LIMD1: variants seen among roughly 807,000 people sequenced by gnomAD.
The protein encoded by LIMD1 is LIM domain-containing protein 1.
Under a neutral mutation model 58.4 loss-of-function variants are expected in LIMD1, and 23 were observed. The ratio of observed to expected loss-of-function variants is 0.39; its 90% CI spans 0.28 to 0.56. LIMD1 has a LOEUF of 0.56. Ranked by LOEUF, LIMD1 falls within the 20% of genes least tolerant of loss-of-function variation. The pLI, the probability that LIMD1 is intolerant of heterozygous loss-of-function variation, is 0.57. For missense variants in LIMD1, 838 were observed against 855.5 expected (o/e 0.98, Z 0.25); for synonymous variants, 334 against 345.5 (o/e 0.97, Z 0.37).
At chr3:45,615,339 C>A (rs1002406996) in intron 1 of LIMD1, among the ~76,000 whole-genome samples, 1 of 152,038 alleles carries the variant, frequency 6.6e-6, no homozygotes, top group African/African-American at 2.4e-5. Flanking sequence ...AGGGAGGGCA[C>A]CTTTTATTTT....
intron 1 of LIMD1, among the ~76,000 whole-genome samples, chr3:45,624,843 C>G (rs573056427): frequency 8.6e-5 from 13 of 151,400 alleles, no homozygotes; most frequent in African/African-American, 3.1e-4. Flanking sequence ...GAATTGTCTT[C>G]TAGCCAACTG....
chr3:45,648,461 G>T (rs571721112), intron 2 of LIMD1, among the ~76,000 whole-genome samples: 1 of 152,146 alleles, frequency 6.6e-6, no homozygotes, highest in Admixed American at 6.5e-5. Flanking sequence ...TTGTATAGAT[G>T]TACCATATTT....
rs1036040252 is a variant in LIMD1, at chr3:45,683,372, G to A, written c.*6313G>A. On this transcript the variant is annotated 3_prime_UTR_variant, in exon 8 of 8. Coordinates refer to ENST00000273317, the MANE Select transcript of LIMD1 (RefSeq NM_014240.3). ...CCACGCTCAAGTAACAAAAGGACCA[G>A]AGGCTACTCCCTTTGCAACCTCCCC... 3 of 152,106 alleles carry A rather than the reference G, an allele frequency of 2.0e-5. No homozygotes were observed. The highest frequency in any genetic ancestry group is 2.0e-4 in the Admixed American group (3 of 15,262). 9.4% of individuals were successfully genotyped at this position (152,106 alleles called of 1,614,324 possible). A position where few individuals can be genotyped will look rare whatever the true frequency, so the allele number is the denominator to read the frequency against.
At chr3:45,608,166 G>A (rs1039513604) in intron 1 of LIMD1, among the ~76,000 whole-genome samples, 2 of 152,214 alleles carry the variant, frequency 1.3e-5, no homozygotes, top group Non-Finnish European at 2.9e-5. Context: ...CTTTCTGGCT[G>A]TAAGCTTGAC....
chr3:45,642,004 T>A (rs1701847734), intron 2 of LIMD1, among the ~76,000 whole-genome samples: 1 of 152,190 alleles, frequency 6.6e-6, no homozygotes, highest in Non-Finnish European at 1.5e-5. Flanking sequence ...TGCATCTTTT[T>A]ATGTTCTGGA....
chr3:45,625,561 A>G (rs1374579771), intron 1 of LIMD1, among the ~76,000 whole-genome samples: 4 of 152,080 alleles, frequency 2.6e-5, no homozygotes, highest in African/African-American at 7.2e-5. Context: ...TGCCCCCCAC[A>G]GTTCAAGTGT....
chr3:45,654,874 G>A (rs576448685), intron 2 of LIMD1, among the ~76,000 whole-genome samples: 2 of 149,492 alleles, frequency 1.3e-5, no homozygotes, highest in African/African-American at 2.5e-5. Context: ...TACAGGAAGT[G>A]TCTTTTTGGA....
At position 45,684,431 on chromosome 3, in the gene LIMD1, G is replaced by A. The variant is rs1040419854; in HGVS notation, c.*7372G>A. 2 of 152,194 alleles carry A rather than the reference G, an allele frequency of 1.3e-5. No individual in the cohort carries two copies. Among genetic ancestry groups the A allele is most frequent in the Admixed American group, 1.3e-4 (2 of 15,284 alleles). The allele number at this position is 152,194 out of a possible 1,614,324, so 9.4% of individuals were successfully genotyped here. Reference sequence around the variant, plus strand: ...AAAGTGAATCGGCTCCGTTGTTTGGGGAAATACCTGAGGTTTGTTGTTTCG... The same window carrying A: ...AAAGTGAATCGGCTCCGTTGTTTGGAGAAATACCTGAGGTTTGTTGTTTCG... On this transcript the variant is annotated 3_prime_UTR_variant, in exon 8 of 8. Coordinates refer to ENST00000273317, the MANE Select transcript of LIMD1 (RefSeq NM_014240.3).
chr3:45,642,872 C>T (rs1701859344), intron 2 of LIMD1, among the ~76,000 whole-genome samples: 2 of 152,122 alleles, frequency 1.3e-5, no homozygotes, highest in South Asian at 2.1e-4. Flanking sequence ...TTGCTGTGCT[C>T]CTTGGGCTGG....
chr3:45,601,003 G>A (rs1347191911), intron 1 of LIMD1, among the ~76,000 whole-genome samples: 1 of 152,204 alleles, frequency 6.6e-6, no homozygotes, highest in Non-Finnish European at 1.5e-5. Flanking sequence ...GGCTGAGGCT[G>A]CAGTGAGATA....
intron 2 of LIMD1, among the ~76,000 whole-genome samples, chr3:45,662,303 G>A (rs777625304): frequency 2.6e-4 from 40 of 151,872 alleles, no homozygotes; most frequent in East Asian, 1.2e-3. Context: ...GTGTGTGTGC[G>A]CGTGTAAAAC....
At chr3:45,676,737 C>G (rs571214046) in intron 7 of LIMD1, among the ~76,000 whole-genome samples, 185 bp from the exon 8 acceptor site, 10 of 152,240 alleles carry the variant, frequency 6.6e-5, no homozygotes, top group Non-Finnish European at 1.2e-4. Context: ...ACAGCAAGTG[C>G]CTTGTGGCAG....
chr3:45,662,963 G>A (rs1159823370), intron 2 of LIMD1, among the ~76,000 whole-genome samples: 1 of 150,734 alleles, frequency 6.6e-6, no homozygotes, highest in African/African-American at 2.4e-5. Context: ...CAGCCTGGGC[G>A]ACACAGCGAG....
At position 45,677,762 on chromosome 3, in the gene LIMD1, G is replaced by A. The variant is rs937058768; in HGVS notation, c.*703G>A. 8.5e-5 allele frequency: 13 copies of A among 152,266 alleles called. No individual in the cohort carries two copies. Among genetic ancestry groups the A allele is most frequent in the African/African-American group, 2.9e-4 (12 of 41,538 alleles). 9.4% of individuals were successfully genotyped at this position (152,266 alleles called of 1,614,324 possible). A position where few individuals can be genotyped will look rare whatever the true frequency, so the allele number is the denominator to read the frequency against. The stretch of plus-strand genomic sequence containing the variant: ...CTCTCCTAAAGGCAGCTGAGTCCGC[G>A]ACAGAAATTTGCCCTATGTGAGTAA... On this transcript the variant is annotated 3_prime_UTR_variant, in exon 8 of 8. Transcript: ENST00000273317.
chr3:45,616,682 C>T (rs1701579172), intron 1 of LIMD1, among the ~76,000 whole-genome samples: 1 of 152,132 alleles, frequency 6.6e-6, no homozygotes, highest in African/African-American at 2.4e-5. Context: ...GTTGGTTCTT[C>T]AAGATTCACA....
At chr3:45,661,521 A>G (rs1697436744) in intron 2 of LIMD1, among the ~76,000 whole-genome samples, 1 of 152,342 alleles carries the variant, frequency 6.6e-6, no homozygotes, top group African/African-American at 2.4e-5. Flanking sequence ...TAAATCTGAG[A>G]TGACGATTTC....
At chr3:45,619,704 C>T (rs560235683) in intron 1 of LIMD1, among the ~76,000 whole-genome samples, 1 of 152,170 alleles carries the variant, frequency 6.6e-6, no homozygotes, top group Admixed American at 6.5e-5. Context: ...GAGACTGAAG[C>T]AGGAGAATCG....
intron 2 of LIMD1, among the ~76,000 whole-genome samples, chr3:45,650,426 T>A (rs1701955902): frequency 6.6e-6 from 1 of 152,176 alleles, no homozygotes; most frequent in Non-Finnish European, 1.5e-5. Context: ...CATGTTGGCT[T>A]ACTGTACCCA....
chr3:45,601,604 G>A (rs376769107), intron 1 of LIMD1, among the ~76,000 whole-genome samples: 8 of 152,280 alleles, frequency 5.3e-5, no homozygotes, highest in South Asian at 2.1e-4. Flanking sequence ...GTGGTGTGCC[G>A]GGCACTGGAG....
Sources: allele counts gnomAD v4.1 joint callset (sites outside exome capture counted in the v4.1 genomes callset), GRCh38; gene constraint gnomAD v4.1.1; transcripts MANE v1.5; gene names NCBI Gene and HGNC (gene_info 2026-07-23, HGNC 2026-07-21).